The following TLK1 variants were observed in gnomAD, a reference collection of about 807,000 sequenced individuals.
TLK1 encodes the protein serine/threonine-protein kinase tousled-like 1.
Under a neutral mutation model 105.3 loss-of-function variants are expected in TLK1, and 24 were observed. That is an observed-to-expected ratio of 0.23 (90% CI 0.17 to 0.32). TLK1 has a LOEUF of 0.32. Among genes scored for constraint, TLK1 ranks in the 10% least tolerant of loss-of-function variants. The pLI is 1.00. For missense variants in TLK1, 558 were observed against 910.5 expected, an observed-to-expected ratio of 0.61 and a Z score of 4.98; for synonymous variants, 321 against 310.4, an observed-to-expected ratio of 1.03 and a Z score of -0.36.
upstream of TLK1, among the ~76,000 whole-genome samples, chr2:171,163,298 T>C (rs1353441286): frequency 6.6e-6 from 1 of 152,252 alleles, no homozygotes; most frequent in African/African-American, 2.4e-5. Context: ...CATGTACAAG[T>C]CTTTCTGTGG....
chr2:171,188,436 T>C (rs1466110787), intron 1 of TLK1, among the ~76,000 whole-genome samples: 2 of 151,994 alleles, frequency 1.3e-5, no homozygotes, highest in Non-Finnish European at 2.9e-5. Context: ...CCAAGCACGG[T>C]GGTTCACGCC....
At chr2:171,201,314 C>G (rs941161447) in intron 1 of TLK1, among the ~76,000 whole-genome samples, 2 of 152,118 alleles carry the variant, frequency 1.3e-5, no homozygotes, top group Non-Finnish European at 2.9e-5. Context: ...TATTGAAATG[C>G]CATCTCATTA....
intron 20 of TLK1, among the ~76,000 whole-genome samples, chr2:170,994,409 G>T (rs963750444): frequency 6.6e-5 from 10 of 151,744 alleles, no homozygotes; most frequent in Non-Finnish European, 1.3e-4. Flanking sequence ...CTTTCATTAG[G>T]GACATTGTTT....
chr2:171,061,073 G>A lies in TLK1; in HGVS notation c.406+8C>T. 6 of 1,612,848 alleles carry A rather than the reference G, an allele frequency of 3.7e-6. No homozygotes were observed. The highest frequency in any genetic ancestry group is 4.2e-6 in the Non-Finnish European group (5 of 1,179,214). ...ACTAGGCTCTGAAGGAAGATGTTAT[G>A]TGCTTACCCTGACTACTTTCATTCT... On this transcript the variant is annotated splice_region_variant and intron_variant, in intron 4 of 20. Transcript: ENST00000431350.
chr2:171,070,909 T>C (rs774113087), intron 3 of TLK1, among the ~76,000 whole-genome samples: 3 of 152,240 alleles, frequency 2.0e-5, no homozygotes, highest in Non-Finnish European at 4.4e-5. Flanking sequence ...AGGTTTCCCT[T>C]TTCTCCACAT....
chr2:171,171,728 A>C (rs1302367506), intron 1 of TLK1, among the ~76,000 whole-genome samples: 1 of 152,236 alleles, frequency 6.6e-6, no homozygotes, highest in African/African-American at 2.4e-5. Context: ...TTTAGTCAAC[A>C]ACAGCAAAAC....
intron 1 of TLK1, among the ~76,000 whole-genome samples, chr2:171,145,600 A>C (rs927687343): frequency 3.9e-5 from 6 of 151,914 alleles, no homozygotes; most frequent in Admixed American, 3.9e-4. Context: ...AAAAAAAAAA[A>C]AACAAAAAAC....
intron 11 of TLK1, chr2:171,045,744 GA>G (rs2105422401): frequency 6.5e-6 from 1 of 154,114 alleles, no homozygotes; most frequent in South Asian, 2.1e-4. Context: ...AGAAAACAAA[GA>G]AAAGCAGAAA....
intron 7 of TLK1, chr2:171,054,568 A>G (rs1329929131): frequency 6.6e-6 from 1 of 152,486 alleles, no homozygotes; most frequent in African/African-American, 2.4e-5. Flanking sequence ...TGTCAAGCTG[A>G]GCTTGAAGAG....
intron 2 of TLK1, among the ~76,000 whole-genome samples, chr2:171,102,443 A>G (rs73029227): frequency 0.021 from 3,169 of 152,306 alleles, 105 homozygotes; most frequent in African/African-American, 0.073. Flanking sequence ...CAACTACACA[A>G]TAAGTTTACA....
At chr2:171,119,621 C>G (rs76201738) in intron 1 of TLK1, among the ~76,000 whole-genome samples, 1 of 152,150 alleles carries the variant, frequency 6.6e-6, no homozygotes, top group Non-Finnish European at 1.5e-5. Context: ...GGCATAAAGA[C>G]AGACATATAT....
intron 1 of TLK1, among the ~76,000 whole-genome samples, chr2:171,137,814 A>C (rs1323863700): frequency 2.6e-5 from 4 of 151,486 alleles, no homozygotes; most frequent in Non-Finnish European, 5.9e-5. Flanking sequence ...GCGCCACTGC[A>C]CTACAGCCTG....
At chr2:171,106,246 G>A (rs1689917848) in intron 2 of TLK1, among the ~76,000 whole-genome samples, 1 of 152,150 alleles carries the variant, frequency 6.6e-6, no homozygotes, top group Non-Finnish European at 1.5e-5. Context: ...CAGCTGCATA[G>A]GAAGAGTAAG....
At chr2:171,108,522 A>T (rs1281060316) in intron 2 of TLK1, among the ~76,000 whole-genome samples, 2 of 152,246 alleles carry the variant, frequency 1.3e-5, no homozygotes, top group Non-Finnish European at 2.9e-5. Flanking sequence ...CAAAAAATGT[A>T]ATAAACAAAA....
rs1692461884 is a variant in TLK1, at chr2:171,160,762, G to A, written c.-334C>T. 4.6e-6 allele frequency: 2 copies of A among 430,834 alleles called. No individual in the cohort carries two copies. The highest frequency in any genetic ancestry group is 8.0e-6 in the Non-Finnish European group (2 of 249,026). 26.7% of individuals were successfully genotyped at this position (430,834 alleles called of 1,614,324 possible). On this transcript the variant is annotated 5_prime_UTR_variant, in exon 1 of 21. Transcript: ENST00000431350. The surrounding 1 kb of genome is among the most constrained non-coding windows in gnomAD (Gnocchi z 4.4). ...GGGTCGGAGCGCGGGCGGAGCGCGG[G>A]CTGCGCCGGCCGAGGACACTTCCGC...
intron 1 of TLK1, among the ~76,000 whole-genome samples, chr2:171,149,091 T>A (rs1457328916): frequency 7.1e-6 from 1 of 140,292 alleles, no homozygotes; most frequent in Admixed American, 7.4e-5. Context: ...ATCCTTTGAA[T>A]TACTTTTCTT....
intron 1 of TLK1, among the ~76,000 whole-genome samples, chr2:171,200,399 C>G (rs1693375511): frequency 6.6e-6 from 1 of 152,178 alleles, no homozygotes; most frequent in Admixed American, 6.5e-5. Flanking sequence ...TATCATATGA[C>G]TATCTGGAAG....
rs1683790625 is a variant in TLK1 at position 170,991,698 on chromosome 2, G to GTT, written c.*2080_*2081dup. 1 of 152,156 alleles carries GTT rather than the reference G, an allele frequency of 6.6e-6. No individual in the cohort carries two copies. The highest frequency in any genetic ancestry group is 2.1e-4 in the South Asian group (1 of 4,832). The allele number at this position is 152,156 out of a possible 1,614,324, so 9.4% of individuals were successfully genotyped here. ...ACTACTTAACTTACTGAACCTCAAA[G>GTT]TTAGATTTACACATTCACTTCGTAT... On this transcript the variant is annotated 3_prime_UTR_variant, in exon 21 of 21. Transcript: ENST00000431350.
At chr2:171,024,450 G>C (rs1359792329) in intron 12 of TLK1, among the ~76,000 whole-genome samples, 2 of 152,150 alleles carry the variant, frequency 1.3e-5, no homozygotes, top group Admixed American at 6.6e-5. Context: ...ACTTAAAACT[G>C]TTCTCCTTTA....
Sources: gnomAD v4.1 joint callset for allele counts (sites outside exome capture counted in the v4.1 genomes callset) on GRCh38, gnomAD v4.1.1 for gene constraint, Gnocchi (gnomAD v3.1) non-coding constraint, MANE v1.5 for transcripts, NCBI Gene and HGNC (gene_info 2026-07-23, HGNC 2026-07-21) for gene names.